Variants in FHIT observed in about 807,000 individuals in gnomAD.
FHIT encodes the protein fragile histidine triad diadenosine triphosphatase.
FHIT carries 19 observed loss-of-function variants against 17.9 expected under a neutral mutation model. The observed-to-expected ratio is 1.06, with a 90% confidence interval of 0.74 to 1.56. The LOEUF is 1.56. Among genes scored for constraint, FHIT ranks in the 40% most tolerant of loss-of-function variants. FHIT has a pLI of 0.00. For missense variants in FHIT, 248 were observed against 189.2 expected, an observed-to-expected ratio of 1.31 and a Z score of -1.82; for synonymous variants, 81 against 69.7, an observed-to-expected ratio of 1.16 and a Z score of -0.81.
chr3:59,803,122 C>A (rs563696424), intron 8 of FHIT, among the ~76,000 whole-genome samples: 128 of 152,230 alleles, frequency 8.4e-4, no homozygotes, highest in African/African-American at 3.0e-3. Flanking sequence ...TGAAACCTGG[C>A]GTTTATGTTT....
chr3:61,178,504 C>G (rs1017197034), intron 2 of FHIT, among the ~76,000 whole-genome samples: 3 of 148,368 alleles, frequency 2.0e-5, no homozygotes, highest in Admixed American at 1.4e-4. Flanking sequence ...TGTAGTCTGG[C>G]CTGTAAGCCA....
At chr3:59,996,831 C>T (rs1559534209) in intron 7 of FHIT, among the ~76,000 whole-genome samples, 1 of 152,106 alleles carries the variant, frequency 6.6e-6, no homozygotes, top group African/African-American at 2.4e-5. Flanking sequence ...CATTCTATTG[C>T]TGACCAGATG....
chr3:60,740,684 A>G (rs537623226), intron 4 of FHIT, among the ~76,000 whole-genome samples: 1 of 152,168 alleles, frequency 6.6e-6, no homozygotes, highest in Non-Finnish European at 1.5e-5. Flanking sequence ...GAAATTTCCC[A>G]TTCCTCCCTC....
At chr3:60,744,184 C>T (rs536029400) in intron 4 of FHIT, among the ~76,000 whole-genome samples, 2 of 143,116 alleles carry the variant, frequency 1.4e-5, no homozygotes, top group Non-Finnish European at 3.0e-5. Context: ...AGTCTACTGA[C>T]GAAAAACGCG....
At chr3:60,578,430 C>T (rs1380924027) in intron 4 of FHIT, among the ~76,000 whole-genome samples, 2 of 122,500 alleles carry the variant, frequency 1.6e-5, no homozygotes, top group African/African-American at 3.4e-5. Flanking sequence ...GAGCATGACT[C>T]CATCTACAAA....
intron 3 of FHIT, among the ~76,000 whole-genome samples, chr3:61,031,899 C>T (rs2033026528): frequency 6.6e-6 from 1 of 152,182 alleles, no homozygotes; most frequent in East Asian, 1.9e-4. Flanking sequence ...AGTAAGTTCA[C>T]CTTCTGTAAG....
At chr3:60,494,598 C>T (rs973355176) in intron 5 of FHIT, among the ~76,000 whole-genome samples, 1 of 152,026 alleles carries the variant, frequency 6.6e-6, no homozygotes, top group Non-Finnish European at 1.5e-5. Flanking sequence ...ATTAACCATA[C>T]CCACACCTCC....
chr3:61,183,982 T>G (rs761593093), intron 2 of FHIT, among the ~76,000 whole-genome samples: 4 of 152,048 alleles, frequency 2.6e-5, no homozygotes, highest in Non-Finnish European at 5.9e-5. Context: ...ATTTTTTACT[T>G]CTTTCTCAGT....
chr3:59,902,413 C>T (rs1438599691), intron 8 of FHIT, among the ~76,000 whole-genome samples: 3 of 151,430 alleles, frequency 2.0e-5, no homozygotes, highest in Non-Finnish European at 4.4e-5. Context: ...AAATAGAATA[C>T]CATATGATCT....
At chr3:60,213,292 C>A (rs1703541259) in intron 5 of FHIT, among the ~76,000 whole-genome samples, 2 of 152,136 alleles carry the variant, frequency 1.3e-5, no homozygotes, top group Admixed American at 6.5e-5. Context: ...CAGCTTTTGG[C>A]CTCATATTCT....
chr3:60,378,210 T>C (rs1198707332), intron 5 of FHIT, among the ~76,000 whole-genome samples: 1 of 151,882 alleles, frequency 6.6e-6, no homozygotes, highest in Non-Finnish European at 1.5e-5. Context: ...GTATTTTTAG[T>C]AGAGACGGGG....
chr3:60,192,040 C>G (rs1401004044), intron 5 of FHIT, among the ~76,000 whole-genome samples: 3 of 151,914 alleles, frequency 2.0e-5, no homozygotes, highest in Admixed American at 2.0e-4. Context: ...TACTTGAGAC[C>G]AGGAGTTCGA....
intron 1 of FHIT, among the ~76,000 whole-genome samples, chr3:61,228,901 G>C (rs2040032922): frequency 6.6e-6 from 1 of 152,110 alleles, no homozygotes; most frequent in Admixed American, 6.6e-5. Flanking sequence ...TCTATACAAG[G>C]TACCATGCAA....
intron 5 of FHIT, among the ~76,000 whole-genome samples, chr3:60,430,046 G>A (rs1449590799): frequency 1.3e-5 from 2 of 151,878 alleles, no homozygotes; most frequent in Non-Finnish European, 2.9e-5. Context: ...ACTGACTGGA[G>A]AAGAACATAC....
intron 8 of FHIT, among the ~76,000 whole-genome samples, chr3:59,919,743 A>C (rs1379769913): frequency 6.6e-6 from 1 of 152,150 alleles, no homozygotes; most frequent in Non-Finnish European, 1.5e-5. Flanking sequence ...CCACCCTCCA[A>C]GGCAGTCTGT....
At chr3:60,927,708 C>T (rs1553770403) in intron 3 of FHIT, among the ~76,000 whole-genome samples, 1 of 151,606 alleles carries the variant, frequency 6.6e-6, no homozygotes, top group African/African-American at 2.4e-5. Flanking sequence ...CCCCGCCCGG[C>T]AGCCGCCCCG....
intron 3 of FHIT, among the ~76,000 whole-genome samples, chr3:60,981,479 A>T (rs1045964321): frequency 9.3e-5 from 14 of 150,808 alleles, no homozygotes; most frequent in African/African-American, 2.9e-4. Flanking sequence ...TAATTTTTTT[A>T]AAATATATTT....
At position 61,130,933 on chromosome 3, in the gene FHIT, G is replaced by A. The variant is rs1189130238; in HGVS notation, c.-164+69684C>T. The stretch of plus-strand genomic sequence containing the variant: ...AAAATAAAATAATGATCCTAGGCCT[G>A]TATGAAATTCAAATGAGATAATATA... On this transcript the variant is annotated intron_variant, in intron 2 of 9. Transcript: ENST00000492590. Among the ~76,000 whole-genome samples the A allele has an allele frequency of 2.0e-5, 3 of 152,224 alleles. No homozygotes were observed. In the East Asian group the frequency reaches 5.8e-4, roughly 29 times the overall value.
At chr3:60,214,274 T>C (rs1703593919) in intron 5 of FHIT, among the ~76,000 whole-genome samples, 1 of 152,226 alleles carries the variant, frequency 6.6e-6, no homozygotes, top group Non-Finnish European at 1.5e-5. Context: ...AAATAGTTTC[T>C]AAATACAGAT....
Sources: allele counts gnomAD v4.1 joint callset (sites outside exome capture counted in the v4.1 genomes callset), GRCh38; gene constraint gnomAD v4.1.1; transcripts MANE v1.5; gene names NCBI Gene and HGNC (gene_info 2026-07-23, HGNC 2026-07-21).